PCED1B: variants seen among roughly 807,000 people sequenced by gnomAD.
The protein encoded by PCED1B is PC-esterase domain containing 1B.
For missense variants in PCED1B, 573 were observed against 573.9 expected (o/e 1.00, Z 0.02); for synonymous variants, 251 against 246.1 (o/e 1.02, Z -0.19).
At chr12:47,228,883 A>C (rs951634003) in intron 3 of PCED1B, among the ~76,000 whole-genome samples, 9 of 151,166 alleles carry the variant, frequency 6.0e-5, no homozygotes, top group African/African-American at 2.2e-4. Flanking sequence ...CAAAAAAAAA[A>C]AGTTACCTCA....
intron 2 of PCED1B, among the ~76,000 whole-genome samples, chr12:47,148,995 G>C (rs1385766531): frequency 1.3e-5 from 2 of 151,904 alleles, no homozygotes; most frequent in African/African-American, 4.8e-5. Context: ...ATTCCTTTAG[G>C]CTTGGTAACA....
chr12:47,129,988 T>C lies in PCED1B; in HGVS notation c.-526+25793T>C, dbSNP rs140908925. ...AGTTCTGCCCAAAGAAGAGACTTAG[T>C]AGGTAAGACTCTGACTTCCTTGTTC... On this transcript the variant is annotated intron_variant, in intron 2 of 3. Coordinates refer to ENST00000546455, the MANE Select transcript of PCED1B (RefSeq NM_138371.3). 3.0e-4 allele frequency among the ~76,000 whole-genome samples: 46 copies of C among 152,354 alleles called. No individual in the cohort carries two copies. In the East Asian group the frequency reaches 8.9e-3, roughly 29 times the overall value.
intron 2 of PCED1B, among the ~76,000 whole-genome samples, chr12:47,150,383 G>A (rs1295942534): frequency 6.6e-6 from 1 of 151,952 alleles, no homozygotes; most frequent in Admixed American, 6.6e-5. Flanking sequence ...AGACCAACCT[G>A]GCCAACATGG....
intron 2 of PCED1B, among the ~76,000 whole-genome samples, chr12:47,182,433 A>T (rs575780337): frequency 6.6e-6 from 1 of 152,068 alleles, no homozygotes; most frequent in Admixed American, 6.5e-5. Flanking sequence ...TCTACTAAAA[A>T]TACAAAAATT....
intron 3 of PCED1B, among the ~76,000 whole-genome samples, chr12:47,218,189 C>G (rs1592304713): frequency 1.3e-5 from 2 of 152,264 alleles, no homozygotes; most frequent in African/African-American, 4.8e-5. Context: ...AGCGAGAGCT[C>G]GGCTGGACAC....
At chr12:47,190,700 T>C (rs1395555826) in intron 2 of PCED1B, among the ~76,000 whole-genome samples, 2 of 152,252 alleles carry the variant, frequency 1.3e-5, no homozygotes, top group Non-Finnish European at 2.9e-5. Context: ...TATCTCATAC[T>C]GTTGCAGATT....
chr12:47,087,652 T>C (rs1255347422), intron 1 of PCED1B, among the ~76,000 whole-genome samples: 1 of 152,202 alleles, frequency 6.6e-6, no homozygotes, highest in Admixed American at 6.5e-5. Context: ...AGAAAATATA[T>C]ACTTGGGGCA....
At chr12:47,168,926 T>C (rs990464951) in intron 2 of PCED1B, among the ~76,000 whole-genome samples, 15 of 152,190 alleles carry the variant, frequency 9.9e-5, no homozygotes, top group African/African-American at 3.6e-4. Flanking sequence ...TATGACCAAA[T>C]GTCATAAATA....
chr12:47,172,783 T>A (rs1941793766), intron 2 of PCED1B, among the ~76,000 whole-genome samples: 1 of 152,112 alleles, frequency 6.6e-6, no homozygotes. Flanking sequence ...CCTTTCCTAG[T>A]GGTATTGTGT....
At chr12:47,131,118 T>A (rs192494273) in intron 2 of PCED1B, among the ~76,000 whole-genome samples, 109 of 152,320 alleles carry the variant, frequency 7.2e-4, no homozygotes, top group Non-Finnish European at 1.4e-3. Context: ...AGAAAACATA[T>A]CCTTATTCTA....
At chr12:47,182,710 GT>G (rs1942134447) in intron 2 of PCED1B, among the ~76,000 whole-genome samples, 1 of 152,138 alleles carries the variant, frequency 6.6e-6, no homozygotes, top group South Asian at 2.1e-4. Flanking sequence ...CCATTGCACA[GT>G]TGACGAAAAC....
chr12:47,150,573 A>T (rs1237383487), intron 2 of PCED1B, among the ~76,000 whole-genome samples: 5 of 150,404 alleles, frequency 3.3e-5, no homozygotes, highest in African/African-American at 4.9e-5. Context: ...GTGAGACTCC[A>T]TCTCAAAAAA....
chr12:47,218,083 G>T (rs548794549), intron 3 of PCED1B, among the ~76,000 whole-genome samples: 1 of 152,198 alleles, frequency 6.6e-6, no homozygotes, highest in African/African-American at 2.4e-5. Flanking sequence ...AACATCTGTA[G>T]AGTTTACACA....
At chr12:47,168,888 A>G (rs1941628890) in intron 2 of PCED1B, among the ~76,000 whole-genome samples, 1 of 152,134 alleles carries the variant, frequency 6.6e-6, no homozygotes. Context: ...TGACCTTTAA[A>G]AAAAAGTTAA....
rs63691461 is a variant in PCED1B at position 47,222,116 on chromosome 12, T to TA, written c.-58+5447dup. Among the ~76,000 whole-genome samples, 368 of 119,020 alleles carry TA rather than the reference T, an allele frequency of 3.1e-3. 3 individuals are homozygous for TA. The highest frequency in any genetic ancestry group is 5.8e-3 in the Admixed American group (60 of 10,382). The allele number at this position is 119,020 out of a possible 152,430, so 78.1% of individuals were successfully genotyped here. The stretch of plus-strand genomic sequence containing the variant: ...AGACTCTATCTCTTAAAAAAAAAAT[T>TA]AAAAAAAAAAAAAAAAAAAACGCCC... On this transcript the variant is annotated intron_variant, in intron 3 of 3. Coordinates refer to ENST00000546455, the MANE Select transcript of PCED1B (RefSeq NM_138371.3).
chr12:47,160,293 C>CT (rs59856338), intron 2 of PCED1B, among the ~76,000 whole-genome samples: 1,767 of 69,180 alleles, frequency 0.026, 113 homozygotes, highest in Non-Finnish European at 0.029. Flanking sequence ...TTTTCTTTTT[C>CT]TTTTTTTTTT....
intron 1 of PCED1B, among the ~76,000 whole-genome samples, chr12:47,083,452 T>A (rs148552269): frequency 6.6e-6 from 1 of 152,218 alleles, no homozygotes; most frequent in Non-Finnish European, 1.5e-5. Context: ...GGCAGCACTC[T>A]TAATAGGATT....
At chr12:47,191,955 G>C (rs766382550) in intron 2 of PCED1B, among the ~76,000 whole-genome samples, 1 of 152,044 alleles carries the variant, frequency 6.6e-6, no homozygotes, top group African/African-American at 2.4e-5. Context: ...CATGGCGCTT[G>C]CCACAGAAAT....
chr12:47,100,673 A>G (rs1030236529), intron 1 of PCED1B, among the ~76,000 whole-genome samples: 2 of 152,250 alleles, frequency 1.3e-5, no homozygotes, highest in African/African-American at 2.4e-5. Context: ...AGAATAGAAA[A>G]GAAATATTTT....
Sources: gnomAD v4.1 joint callset for allele counts (sites outside exome capture counted in the v4.1 genomes callset) on GRCh38, gnomAD v4.1.1 for gene constraint, MANE v1.5 for transcripts, NCBI Gene and HGNC (gene_info 2026-07-23, HGNC 2026-07-21) for gene names.